Variants in BRD4 observed in about 807,000 individuals in gnomAD.
The protein encoded by BRD4 is bromodomain-containing protein 4.
A neutral mutation model predicts 142.1 loss-of-function variants in BRD4; 16 were observed. The observed-to-expected ratio is 0.11, with a 90% CI of 0.08 to 0.17. BRD4 has a LOEUF of 0.17. Ranked by LOEUF, BRD4 falls within the 10% of genes least tolerant of loss-of-function variation. The pLI, the probability that BRD4 is intolerant of heterozygous loss-of-function variation, is 1.00. For missense variants in BRD4, 1,424 were observed against 1,810.9 expected, an observed-to-expected ratio of 0.79 and a Z score of 3.88; for synonymous variants, 833 against 707.5, an observed-to-expected ratio of 1.18 and a Z score of -2.82.
At chr19:15,269,794 G>C (rs147763777) in intron 2 of BRD4, among the ~76,000 whole-genome samples, 3 of 152,244 alleles carry the variant, frequency 2.0e-5, no homozygotes, top group African/African-American at 4.8e-5. Flanking sequence ...GAAGGAGCCA[G>C]ATAACAGATG....
chr19:15,245,821 C>G (rs2047280865), intron 11 of BRD4, among the ~76,000 whole-genome samples: 1 of 152,220 alleles, frequency 6.6e-6, no homozygotes, highest in Non-Finnish European at 1.5e-5. Context: ...ATGGCACTGC[C>G]TGGCTTCGCC....
At position 15,244,598 on chromosome 19, in the gene BRD4, G is replaced by A. The variant is rs1488126563; in HGVS notation, c.2214C>T (p.His738=). 1.9e-6 allele frequency: 3 copies of A among 1,611,992 alleles called. No individual in the cohort carries two copies. Among genetic ancestry groups the A allele is most frequent in the Non-Finnish European group, 2.5e-6 (3 of 1,179,874 alleles). Residue 738 remains histidine (H), a splice_region_variant and synonymous_variant, in exon 13 of 20, where the codon CAC becomes CAT. Coordinates refer to ENST00000679869, the MANE Select transcript of BRD4 (RefSeq NM_001379291.1). ...KGHPGREQKK[H]HHHHHQQMQQ... is the part of the protein sequence containing the mutation. The stretch of plus-strand genomic sequence containing the variant: ...GCATCTGCTGATGGTGGTGATGATG[G>A]TGCTGCAGACAGAGAGACAGACAGA...
intron 1 of BRD4, among the ~76,000 whole-genome samples, chr19:15,273,536 CAT>C (rs2047613156): frequency 6.6e-6 from 1 of 152,348 alleles, no homozygotes; most frequent in African/African-American, 2.4e-5. Flanking sequence ...CAGGCTCCCA[CAT>C]ATGACATTTA....
At chr19:15,274,918 G>C (rs1017333137) in intron 1 of BRD4, among the ~76,000 whole-genome samples, 1 of 151,854 alleles carries the variant, frequency 6.6e-6, no homozygotes. Flanking sequence ...CAGTGCAGTG[G>C]TGCAATCTTG....
At chr19:15,319,873 C>T (rs2048046660) in intron 1 of BRD4, among the ~76,000 whole-genome samples, 1 of 152,098 alleles carries the variant, frequency 6.6e-6, no homozygotes, top group Admixed American at 6.5e-5. Context: ...GAGGCTGAGA[C>T]TACAGTTAGC....
In BRD4 at chr19:15,243,090, AG is replaced by A; in HGVS notation, c.2978del (p.Pro993LeufsTer75). The A allele has an allele frequency of 1.7e-6, 2 of 1,211,340 alleles. No individual in the cohort carries two copies. Among genetic ancestry groups the A allele is most frequent in the Non-Finnish European group, 1.1e-6 (1 of 945,668 alleles). 75.0% of individuals were successfully genotyped at this position (1,211,340 alleles called of 1,614,324 possible). ...TGGGCTGCAAGTGCACGGGCCGTGG[AG>A]GGGGCTGATGCTGCTGCTGGGGTGG... ...QPPPQQQHQP[P>X]PRPVHLQPMQ... On this transcript the variant is annotated frameshift_variant, in exon 14 of 20. Coordinates refer to ENST00000679869, the MANE Select transcript of BRD4 (RefSeq NM_001379291.1). LOFTEE classifies it high-confidence loss of function.
chr19:15,273,078 C>A lies in BRD4; in HGVS notation c.22G>T (p.Gly8Trp). 1 of 1,602,288 alleles carries A rather than the reference C, an allele frequency of 6.2e-7. No individual in the cohort carries two copies. The highest frequency in any genetic ancestry group is 8.5e-7 in the Non-Finnish European group (1 of 1,173,084). ...ACTGGCAGATTTCTCAATCTCGTCCCAGGGCCGCTCTCCGCAGACATGCTA... is the reference window on the plus strand; with the variant it reads ...ACTGGCAGATTTCTCAATCTCGTCCAAGGGCCGCTCTCCGCAGACATGCTA... MSAESGP[G>W]TRLRNLPVMG... The change falls in exon 2 of 20, where the codon GGG becomes TGG. Residue 8 changes from glycine (G) to tryptophan (W), a missense_variant. Around this residue, in one of 16 missense-constraint regions of BRD4, gnomAD observed 70 missense variants for 69.8 expected, o/e 1.00. Coordinates refer to ENST00000679869, the MANE Select transcript of BRD4 (RefSeq NM_001379291.1).
rs772337983 is a variant in BRD4 at position 15,265,445 on chromosome 19, A to G, written c.758T>C (p.Val253Ala). 3.4e-6 allele frequency: 5 copies of G among 1,485,344 alleles called. No homozygotes were observed. The highest frequency in any genetic ancestry group is 4.6e-6 in the Non-Finnish European group (5 of 1,080,048). The allele number at this position is 1,485,344 out of a possible 1,614,324, so 92.0% of individuals were successfully genotyped here. The stretch of plus-strand genomic sequence containing the variant: ...GGGTGGGGGTTGTGGCTGGGGGGGC[A>G]CTGGCGGGGGCGTCTGCAGTGGCTG... ...PPQPLQTPPP[V>A]PPQPQPPPAP... is the part of the protein sequence containing the mutation. Residue 253 changes from valine to alanine, a missense_variant, in exon 5 of 20, where the codon GTG (valine) becomes GCG (alanine). Physicochemically the swap from Val to Ala is moderately conservative, Grantham distance 64. This residue lies in a region of BRD4 where 140 missense variants were observed against 131.7 expected (regional missense o/e 1.06). Transcript: ENST00000679869.
chr19:15,310,213 C>CT (rs34519343), intron 1 of BRD4, among the ~76,000 whole-genome samples: 49,229 of 122,356 alleles, frequency 0.4, 11,520 homozygotes, highest in African/African-American at 0.64. Context: ...TTAAACAGTC[C>CT]TTTTTTTTTT....
At chr19:15,249,253 GT>G in intron 11 of BRD4, 1 of 1,614,016 alleles carries the variant, frequency 6.2e-7, no homozygotes, top group African/African-American at 1.3e-5. Flanking sequence ...ACTGAAGACC[GT>G]TTTATTAAGA....
chr19:15,279,689 A>C (rs949305283), intron 1 of BRD4, among the ~76,000 whole-genome samples: 3 of 152,208 alleles, frequency 2.0e-5, no homozygotes, highest in African/African-American at 7.2e-5. Flanking sequence ...GAAAAGAGAA[A>C]GACCACAAAC....
At chr19:15,244,649 G>C (rs756094736) in intron 12 of BRD4, 49 bp from the exon 13 acceptor site, 5 of 1,614,020 alleles carry the variant, frequency 3.1e-6, no homozygotes, top group East Asian at 2.2e-5. Context: ...CAGGCAGGCA[G>C]AACTGGCCCG....
At chr19:15,304,188 G>C (rs1165146649) in intron 1 of BRD4, among the ~76,000 whole-genome samples, 1 of 152,158 alleles carries the variant, frequency 6.6e-6, no homozygotes, top group East Asian at 1.9e-4. Context: ...ATACGGTGGT[G>C]ACATAAATGC....
intron 1 of BRD4, among the ~76,000 whole-genome samples, chr19:15,320,489 TAAC>T (rs780557253): frequency 2.0e-5 from 3 of 152,200 alleles, no homozygotes; most frequent in Non-Finnish European, 2.9e-5. Flanking sequence ...GTTATATAAA[TAAC>T]AACTTGTTAT....
chr19:15,246,019 C>T (rs537912734), intron 11 of BRD4, among the ~76,000 whole-genome samples: 2 of 152,184 alleles, frequency 1.3e-5, no homozygotes, highest in Non-Finnish European at 2.9e-5. Context: ...TGTAAGAGCT[C>T]ACCACTCCAC....
chr19:15,328,187 T>C (rs1162470926), intron 1 of BRD4, among the ~76,000 whole-genome samples: 2 of 152,124 alleles, frequency 1.3e-5, no homozygotes, highest in Non-Finnish European at 2.9e-5. Context: ...AGTCTTTCCT[T>C]GTACATAGTA....
chr19:15,299,853 T>G (rs1410200725), intron 1 of BRD4, among the ~76,000 whole-genome samples: 5 of 152,202 alleles, frequency 3.3e-5, no homozygotes, highest in Non-Finnish European at 7.3e-5. Context: ...CTGTTAAGGT[T>G]CACGAGGAAA....
Position 15,244,320 on chromosome 19 carries a change from G to C in BRD4, c.2492C>G (p.Pro831Arg). ...GHFTQPILHL[P>R]QPELPPHLPQ... ...CAGGTGAGGGGGCAGCTCAGGCTGC[G>C]GCAGGTGCAGGATGGGCTGGGTGAA... The change falls in exon 13 of 20, where the codon CCG becomes CGG. Residue 831 changes from proline to arginine, a missense_variant. Around this residue, in one of 16 missense-constraint regions of BRD4, gnomAD observed 598 missense variants for 647.8 expected, o/e 0.92. Coordinates refer to ENST00000679869, the MANE Select transcript of BRD4 (RefSeq NM_001379291.1). The C allele has an allele frequency of 1.3e-6, 2 of 1,598,660 alleles. No individual in the cohort carries two copies. The highest frequency in any genetic ancestry group is 1.7e-6 in the Non-Finnish European group (2 of 1,174,912).
chr19:15,288,454 T>G (rs2047756757), intron 1 of BRD4, among the ~76,000 whole-genome samples: 1 of 152,162 alleles, frequency 6.6e-6, no homozygotes, highest in Admixed American at 6.5e-5. Flanking sequence ...AGGATCCAGT[T>G]ATAAACTTGG....
Sources: gnomAD v4.1 joint callset for allele counts (sites outside exome capture counted in the v4.1 genomes callset) on GRCh38, gnomAD v4.1.1 for gene constraint, gnomAD v4.1.1 regional missense constraint, MANE v1.5 for transcripts, NCBI Gene and HGNC (gene_info 2026-07-23, HGNC 2026-07-21) for gene names.